AGBL1: variants seen among roughly 807,000 people sequenced by gnomAD.
AGBL1 encodes AGBL carboxypeptidase 1.
A neutral mutation model predicts 118.9 loss-of-function variants in AGBL1; 130 were observed. The ratio of observed to expected loss-of-function variants is 1.09; its 90% CI spans 0.95 to 1.26. AGBL1 has a LOEUF of 1.26. Among genes scored for constraint, AGBL1 ranks in the 50% most tolerant of loss-of-function variants. The pLI, the probability that AGBL1 is intolerant of heterozygous loss-of-function variation, is 0.00. For synonymous variants in AGBL1, 555 were observed against 478.9 expected, an observed-to-expected ratio of 1.16 and a Z score of -2.08; for missense variants, 1,584 against 1,298.1, an observed-to-expected ratio of 1.22 and a Z score of -3.38.
chr15:86,664,210 C>A (rs770460577), intron 21 of AGBL1, among the ~76,000 whole-genome samples: 16 of 152,144 alleles, frequency 1.1e-4, no homozygotes, highest in Non-Finnish European at 2.4e-4. Context: ...AGGAGCCCAT[C>A]AGATGAAAGC....
intron 1 of AGBL1, among the ~76,000 whole-genome samples, chr15:86,100,862 T>C (rs1896672246): frequency 1.3e-5 from 2 of 152,140 alleles, no homozygotes; most frequent in Admixed American, 6.5e-5. Context: ...TAGTCAGTAT[T>C]TCATTTATCT....
At chr15:86,788,720 AT>A (rs2078449452) in intron 22 of AGBL1, among the ~76,000 whole-genome samples, 1 of 152,208 alleles carries the variant, frequency 6.6e-6, no homozygotes, top group African/African-American at 2.4e-5. Context: ...GAACAGTTTT[AT>A]AAGGATAATG....
At chr15:86,589,268 A>T (rs2084299433) in intron 21 of AGBL1, among the ~76,000 whole-genome samples, 1 of 152,260 alleles carries the variant, frequency 6.6e-6, no homozygotes, top group Admixed American at 6.5e-5. Context: ...ATTATTATAG[A>T]TAGAAAGTAT....
At chr15:86,843,782 C>T (rs1179982514) in intron 22 of AGBL1, among the ~76,000 whole-genome samples, 1 of 152,076 alleles carries the variant, frequency 6.6e-6, no homozygotes, top group Non-Finnish European at 1.5e-5. Context: ...AAGCGTAAGG[C>T]TCAATGATTT....
intron 21 of AGBL1, among the ~76,000 whole-genome samples, chr15:86,670,074 G>A (rs1208332494): frequency 6.6e-6 from 1 of 151,864 alleles, no homozygotes; most frequent in Non-Finnish European, 1.5e-5. Flanking sequence ...AGACACTTAT[G>A]GTTTTATTTC....
At chr15:86,814,463 T>G (rs1328958268) in intron 22 of AGBL1, among the ~76,000 whole-genome samples, 1 of 152,194 alleles carries the variant, frequency 6.6e-6, no homozygotes, top group Non-Finnish European at 1.5e-5. Context: ...ATGGTCACAA[T>G]GAACCTCGAC....
chr15:86,977,625 G>C (rs575923306), intron 23 of AGBL1, among the ~76,000 whole-genome samples: 1 of 151,702 alleles, frequency 6.6e-6, no homozygotes, highest in Admixed American at 6.6e-5. Flanking sequence ...TTTATTTCTT[G>C]TCATTACATT....
chr15:86,088,652 C>G (rs1532437), intron 1 of AGBL1, among the ~76,000 whole-genome samples: 1,817 of 152,234 alleles, frequency 0.012, 13 homozygotes, highest in East Asian at 0.024. Flanking sequence ...AGTGGGTGTG[C>G]CACTCAAAAA....
chr15:86,225,692 T>A (rs2078350736), intron 6 of AGBL1, among the ~76,000 whole-genome samples: 1 of 152,176 alleles, frequency 6.6e-6, no homozygotes, highest in Non-Finnish European at 1.5e-5. Context: ...TTTTCCTCCT[T>A]ACCTCTTCAT....
chr15:86,210,729 A>G (rs1407347099), intron 5 of AGBL1, among the ~76,000 whole-genome samples: 1 of 152,008 alleles, frequency 6.6e-6, no homozygotes, highest in African/African-American at 2.4e-5. Flanking sequence ...TCTTTTTTCA[A>G]GGTTTTTAGC....
chr15:86,964,008 A>ACTCTCTCTCTCTCTCTCTCTCTCT (rs71460234), intron 23 of AGBL1, among the ~76,000 whole-genome samples: 5 of 139,468 alleles, frequency 3.6e-5, no homozygotes, highest in African/African-American at 1.3e-4. Flanking sequence ...GAGCCAGGAA[A>ACTCTCTCTCTCTCTCTCTCTCTCT]CTCTCTCTCT....
intron 17 of AGBL1, among the ~76,000 whole-genome samples, chr15:86,369,823 G>A (rs1019136552): frequency 6.6e-6 from 1 of 152,060 alleles, no homozygotes; most frequent in African/African-American, 2.4e-5. Flanking sequence ...ACAATCATGT[G>A]ATCTATCAAG....
chr15:86,328,940 T>G (rs2080229087), intron 17 of AGBL1, among the ~76,000 whole-genome samples: 1 of 152,184 alleles, frequency 6.6e-6, no homozygotes, highest in Non-Finnish European at 1.5e-5. Flanking sequence ...GTGCAAGCAT[T>G]TTAGTCTTGG....
intron 15 of AGBL1, among the ~76,000 whole-genome samples, chr15:86,279,311 G>A (rs947937990): frequency 1.3e-5 from 2 of 152,180 alleles, no homozygotes; most frequent in African/African-American, 4.8e-5. Context: ...AAGAAAAACA[G>A]AACTGTTCAG....
At chr15:86,501,751 G>C (rs894969693) in intron 18 of AGBL1, among the ~76,000 whole-genome samples, 1 of 151,474 alleles carries the variant, frequency 6.6e-6, no homozygotes, top group African/African-American at 2.4e-5. Context: ...AAAATGATTT[G>C]ATCAATAATA....
chr15:86,884,686 C>A (rs990911269), intron 22 of AGBL1, among the ~76,000 whole-genome samples: 1 of 152,098 alleles, frequency 6.6e-6, no homozygotes, highest in Non-Finnish European at 1.5e-5. Context: ...GTGGTGTGCA[C>A]CTGTAATCCC....
At chr15:86,148,737 G>C (rs1042468938) in intron 3 of AGBL1, among the ~76,000 whole-genome samples, 8 of 152,132 alleles carry the variant, frequency 5.3e-5, no homozygotes, top group African/African-American at 1.9e-4. Flanking sequence ...CCCCAACCTA[G>C]CAAGGCAGGC....
intron 10 of AGBL1, among the ~76,000 whole-genome samples, chr15:86,263,178 C>T (rs1567163877): frequency 6.6e-6 from 1 of 152,204 alleles, no homozygotes; most frequent in Non-Finnish European, 1.5e-5. Flanking sequence ...TGATGACAGG[C>T]AGCATATTCC....
intron 23 of AGBL1, among the ~76,000 whole-genome samples, chr15:86,955,116 C>T (rs1297733492): frequency 2.0e-5 from 3 of 152,070 alleles, no homozygotes; most frequent in Non-Finnish European, 4.4e-5. Flanking sequence ...AGAAACCCTG[C>T]AATTTCATTA....
Sources: gnomAD v4.1 joint callset for allele counts (sites outside exome capture counted in the v4.1 genomes callset) on GRCh38, gnomAD v4.1.1 for gene constraint, MANE v1.5 for transcripts, NCBI Gene and HGNC (gene_info 2026-07-23, HGNC 2026-07-21) for gene names.